The following LHFPL3 variants were observed in gnomAD, a reference collection of about 807,000 sequenced individuals.
The protein encoded by LHFPL3 is LHFPL tetraspan subfamily member 3.
Under a neutral mutation model 19.3 loss-of-function variants are expected in LHFPL3, and 5 were observed. The ratio of observed to expected loss-of-function variants is 0.26; its 90% CI spans 0.14 to 0.54. The LOEUF is 0.54. LHFPL3 is among the 20% of genes least tolerant of loss of function. The pLI is 0.94. For synonymous variants in LHFPL3, 133 were observed against 126.2 expected, an observed-to-expected ratio of 1.05 and a Z score of -0.36; for missense variants, 249 against 307.4, an observed-to-expected ratio of 0.81 and a Z score of 1.42.
chr7:104,511,869 G>A (rs1361493907), intron 1 of LHFPL3, among the ~76,000 whole-genome samples: 1 of 151,314 alleles, frequency 6.6e-6, no homozygotes, highest in Non-Finnish European at 1.5e-5. Flanking sequence ...AATAAATTGA[G>A]ATTCTAAGTA....
chr7:104,470,178 C>T, intron 1 of LHFPL3: 2 of 407,614 alleles, frequency 4.9e-6, no homozygotes, highest in Non-Finnish European at 1.0e-5. Flanking sequence ...TAGGATCTGG[C>T]CACATATTTT....
intron 2 of LHFPL3, among the ~76,000 whole-genome samples, chr7:104,751,025 A>G (rs1266590018): frequency 6.6e-6 from 1 of 150,600 alleles, no homozygotes; most frequent in Non-Finnish European, 1.5e-5. Flanking sequence ...TTAAGTGACC[A>G]ATTTGACCAC....
At chr7:104,715,522 G>A (rs971319329) in intron 1 of LHFPL3, among the ~76,000 whole-genome samples, 4 of 152,170 alleles carry the variant, frequency 2.6e-5, no homozygotes, top group Admixed American at 6.5e-5. Flanking sequence ...GATGTTTGCT[G>A]TGGGCTTTTT....
intron 2 of LHFPL3, chr7:104,804,211 T>C (rs1421707892): frequency 1.3e-5 from 2 of 152,236 alleles, no homozygotes; most frequent in Non-Finnish European, 2.9e-5. Flanking sequence ...AACTCACCAC[T>C]GTGAACCCAG....
chr7:104,634,023 G>C (rs1439345592), intron 1 of LHFPL3, among the ~76,000 whole-genome samples: 2 of 152,022 alleles, frequency 1.3e-5, no homozygotes, highest in Admixed American at 6.6e-5. Flanking sequence ...TAAATAAAAC[G>C]GTGGTTAAGT....
At chr7:104,671,250 C>CT (rs1792474787) in intron 1 of LHFPL3, among the ~76,000 whole-genome samples, 3 of 150,716 alleles carry the variant, frequency 2.0e-5, no homozygotes, top group Admixed American at 2.0e-4. Context: ...TGTTTTTTTT[C>CT]TTTTTTAAAA....
chr7:104,334,517 A>G (rs1801625808), intron 1 of LHFPL3, among the ~76,000 whole-genome samples: 1 of 152,248 alleles, frequency 6.6e-6, no homozygotes, highest in South Asian at 2.1e-4. Context: ...ACTGCACTCC[A>G]GACTGGGCAG....
intron 1 of LHFPL3, among the ~76,000 whole-genome samples, chr7:104,355,380 G>C (rs1790253766): frequency 6.6e-6 from 1 of 152,158 alleles, no homozygotes; most frequent in Admixed American, 6.5e-5. Flanking sequence ...ACTTGGACCA[G>C]CATGGTTCTC....
At chr7:104,635,740 A>G (rs1791717795) in intron 1 of LHFPL3, among the ~76,000 whole-genome samples, 1 of 152,300 alleles carries the variant, frequency 6.6e-6, no homozygotes, top group Non-Finnish European at 1.5e-5. Flanking sequence ...AGGACCAAAC[A>G]TGGGAAAGAG....
At chr7:104,766,255 C>T (rs1390341409) in intron 2 of LHFPL3, among the ~76,000 whole-genome samples, 1 of 152,104 alleles carries the variant, frequency 6.6e-6, no homozygotes, top group Non-Finnish European at 1.5e-5. Flanking sequence ...AAAACTAAAT[C>T]GTATTGACTT....
intron 1 of LHFPL3, among the ~76,000 whole-genome samples, chr7:104,427,428 A>G (rs1298586521): frequency 2.0e-5 from 3 of 152,212 alleles, no homozygotes; most frequent in African/African-American, 7.2e-5. Flanking sequence ...AAGGAAGCAA[A>G]TTATTCTATT....
chr7:104,851,122 C>T (rs1252504177), intron 2 of LHFPL3, among the ~76,000 whole-genome samples: 2 of 152,146 alleles, frequency 1.3e-5, no homozygotes, highest in Non-Finnish European at 2.9e-5. Flanking sequence ...TCATAGTGTT[C>T]CAAGTCTTCA....
rs182372548 is a variant in LHFPL3, at chr7:104,479,189, G to A, written c.445+149965G>A. Among the ~76,000 whole-genome samples the A allele has an allele frequency of 2.6e-5, 4 of 152,314 alleles. No homozygotes were observed. The East Asian group carries it at 7.7e-4, about 29-fold the overall frequency. ...GAGAAAAGAGTGGGCTCAGTTTACT[G>A]AAAGCTAATCACTGTGTGCCCTTCA... is the stretch of plus-strand genomic sequence containing the variant. On this transcript the variant is annotated intron_variant, in intron 1 of 2. Coordinates refer to ENST00000424859, the MANE Select transcript of LHFPL3 (RefSeq NM_199000.3).
At position 104,850,288 on chromosome 7, in the gene LHFPL3, G is replaced by A. The variant is rs543121911; in HGVS notation, c.683-55899G>A. Among the ~76,000 whole-genome samples the A allele has an allele frequency of 5.3e-5, 8 of 152,342 alleles. No homozygotes were observed. The East Asian group carries it at 1.5e-3, about 29-fold the overall frequency. On this transcript the variant is annotated intron_variant, in intron 2 of 2. Transcript: ENST00000424859. ...TTGCACTCCAGCCTGGGCAACAAGAGTGAAACTCCGTCACAAAAAATAAAT... is the reference window on the plus strand; with the variant it reads ...TTGCACTCCAGCCTGGGCAACAAGAATGAAACTCCGTCACAAAAAATAAAT...
chr7:104,533,699 G>A (rs1056652760), intron 1 of LHFPL3, among the ~76,000 whole-genome samples: 1 of 152,144 alleles, frequency 6.6e-6, no homozygotes, highest in African/African-American at 2.4e-5. Context: ...TTTACTCTCA[G>A]CCTTCTGGTT....
chr7:104,694,983 C>T lies in LHFPL3; in HGVS notation c.446-41692C>T, dbSNP rs149516528. On this transcript the variant is annotated intron_variant, in intron 1 of 2. Transcript: ENST00000424859. ...AAGATTGTGAATTTATGTATGTTAT[C>T]TGTGCAGAAGGGCTATTTGTCATGG... Among the ~76,000 whole-genome samples the T allele has an allele frequency of 1.4e-3, 213 of 152,314 alleles. 2 individuals are homozygous for T. Among genetic ancestry groups the T allele is most frequent in the African/African-American group, 4.8e-3 (200 of 41,564 alleles).
chr7:104,512,659 C>T (rs904296929), intron 1 of LHFPL3, among the ~76,000 whole-genome samples: 3 of 151,966 alleles, frequency 2.0e-5, no homozygotes, highest in Non-Finnish European at 4.4e-5. Context: ...TCACTTGAAC[C>T]TGGAAGGTGA....
At chr7:104,575,559 T>TAAAAAAAAAAAAAAAAAAAAAAA (rs58118006) in intron 1 of LHFPL3, among the ~76,000 whole-genome samples, 6 of 36,174 alleles carry the variant, frequency 1.7e-4, no homozygotes, top group African/African-American at 3.1e-4. Flanking sequence ...CAAAGAGATC[T>TAAAAAAAAAAAAAAAAAAAAAAA]AAAAAAAAAA....
At chr7:104,742,970 A>G (rs188638454) in intron 2 of LHFPL3, among the ~76,000 whole-genome samples, 4 of 152,014 alleles carry the variant, frequency 2.6e-5, no homozygotes, top group African/African-American at 9.7e-5. Flanking sequence ...TACAAAAAAA[A>G]ATTAGCTGGG....
Sources: gnomAD v4.1 joint callset for allele counts (sites outside exome capture counted in the v4.1 genomes callset) on GRCh38, gnomAD v4.1.1 for gene constraint, MANE v1.5 for transcripts, NCBI Gene and HGNC (gene_info 2026-07-23, HGNC 2026-07-21) for gene names.